Variants in RTN1 observed in about 807,000 individuals in gnomAD.
The protein encoded by RTN1 is reticulon-1.
RTN1 carries 25 observed loss-of-function variants against 65.5 expected under a neutral mutation model. That is an observed-to-expected ratio of 0.38 (90% confidence interval 0.28 to 0.53). RTN1 has a LOEUF of 0.53. RTN1 is among the 20% of genes least tolerant of loss of function. The pLI, the probability that RTN1 is intolerant of heterozygous loss-of-function variation, is 0.79. For missense variants in RTN1, 983 were observed against 1,025.4 expected, an observed-to-expected ratio of 0.96 and a Z score of 0.57; for synonymous variants, 471 against 447.6, an observed-to-expected ratio of 1.05 and a Z score of -0.66.
intron 1 of RTN1, among the ~76,000 whole-genome samples, chr14:59,834,749 C>G (rs11622755): frequency 0.25 from 37,664 of 151,898 alleles, 4,958 homozygotes; most frequent in East Asian, 0.55. Flanking sequence ...AAGTAGCAAA[C>G]AAAAAATTCA....
intron 2 of RTN1, among the ~76,000 whole-genome samples, chr14:59,740,223 C>T (rs1011593928): frequency 9.2e-5 from 14 of 152,180 alleles, no homozygotes; most frequent in East Asian, 3.9e-4. Flanking sequence ...ACCGGAGGTA[C>T]GCAATAAATA....
Position 59,746,252 on chromosome 14 carries a change from C to T in RTN1, c.471G>A (p.Glu157=), listed in dbSNP as rs757530788. Residue 157 remains glutamate (E), a synonymous_variant, in exon 2 of 9, where the codon GAG becomes GAA. Transcript: ENST00000267484. ...AATCAGAACTAAATAAGCCACGAGACTCTATCCCAGGCACATCTGGTAAGG... is the reference window on the plus strand; with the variant it reads ...AATCAGAACTAAATAAGCCACGAGATTCTATCCCAGGCACATCTGGTAAGG... ...GPSLPDVPGI[E]SRGLFSSDSG... 3 of 1,613,012 alleles carry T rather than the reference C, an allele frequency of 1.9e-6. No homozygotes were observed. Among genetic ancestry groups the T allele is most frequent in the African/African-American group, 2.7e-5 (2 of 74,872 alleles).
At chr14:59,615,017 T>C (rs1373564035) in intron 3 of RTN1, among the ~76,000 whole-genome samples, 1 of 152,156 alleles carries the variant, frequency 6.6e-6, no homozygotes, top group East Asian at 1.9e-4. Flanking sequence ...GTTTTAAAAA[T>C]TGTCTTAACC....
At chr14:59,628,812 T>G (rs1277429589) in intron 3 of RTN1, among the ~76,000 whole-genome samples, 3 of 152,218 alleles carry the variant, frequency 2.0e-5, no homozygotes, top group African/African-American at 7.2e-5. Flanking sequence ...CATAAGATTG[T>G]GATGAAATAG....
chr14:59,813,675 A>T (rs1886769474), intron 1 of RTN1, among the ~76,000 whole-genome samples: 1 of 152,248 alleles, frequency 6.6e-6, no homozygotes, highest in Non-Finnish European at 1.5e-5. Context: ...ACATTGAATC[A>T]CATTCACATT....
At chr14:59,786,663 C>T (rs1359239431) in intron 1 of RTN1, among the ~76,000 whole-genome samples, 1 of 152,044 alleles carries the variant, frequency 6.6e-6, no homozygotes, top group African/African-American at 2.4e-5. Context: ...AGGAAAAAGA[C>T]AAAGAGGCAA....
intron 3 of RTN1, among the ~76,000 whole-genome samples, chr14:59,658,234 A>G (rs1454155770): frequency 6.6e-6 from 1 of 152,212 alleles, no homozygotes; most frequent in Non-Finnish European, 1.5e-5. Flanking sequence ...CTCTGAAAGA[A>G]AGACAGCAGC....
intron 1 of RTN1, among the ~76,000 whole-genome samples, chr14:59,752,855 A>T (rs1199531880): frequency 6.6e-6 from 1 of 152,214 alleles, no homozygotes; most frequent in African/African-American, 2.4e-5. Context: ...TGCAAAAAAC[A>T]GTCTAAAATG....
chr14:59,799,035 AT>A (rs1301458052), intron 1 of RTN1, among the ~76,000 whole-genome samples: 1 of 152,238 alleles, frequency 6.6e-6, no homozygotes, highest in East Asian at 1.9e-4. Context: ...AAGTGTATTA[AT>A]TCATTTCTCT....
chr14:59,752,203 T>C (rs1034321521), intron 1 of RTN1, among the ~76,000 whole-genome samples: 4 of 152,190 alleles, frequency 2.6e-5, no homozygotes, highest in African/African-American at 9.7e-5. Context: ...ACAAAAAGAC[T>C]ATAAACTATG....
At chr14:59,620,021 A>G (rs1882212537) in intron 3 of RTN1, among the ~76,000 whole-genome samples, 1 of 152,080 alleles carries the variant, frequency 6.6e-6, no homozygotes, top group South Asian at 2.1e-4. Flanking sequence ...CTTTAGGTTG[A>G]GCAAAACCTA....
chr14:59,678,868 C>CAGAATGGGAAGCTG (rs1015114176), intron 3 of RTN1, among the ~76,000 whole-genome samples: 1 of 152,192 alleles, frequency 6.6e-6, no homozygotes, highest in African/African-American at 2.4e-5. Flanking sequence ...CTTACTTAGT[C>CAGAATGGGAAGCTG]AGAATGGGAA....
At chr14:59,743,749 G>A (rs1235243890) in intron 2 of RTN1, among the ~76,000 whole-genome samples, 1 of 152,012 alleles carries the variant, frequency 6.6e-6, no homozygotes, top group African/African-American at 2.4e-5. Context: ...TCCTCTGAGA[G>A]TCACCTGTGG....
chr14:59,801,607 T>C (rs1038035775), intron 1 of RTN1, among the ~76,000 whole-genome samples: 3 of 152,206 alleles, frequency 2.0e-5, no homozygotes, highest in Admixed American at 6.5e-5. Flanking sequence ...AGAAAAGTTA[T>C]AGACAGTTCT....
chr14:59,711,248 C>T (rs931563465), intron 3 of RTN1, among the ~76,000 whole-genome samples: 4 of 152,146 alleles, frequency 2.6e-5, no homozygotes, highest in Non-Finnish European at 4.4e-5. Flanking sequence ...AAAGAAAAGG[C>T]TGAACACAGG....
chr14:59,738,628 TGACCCAGCAATCCCATTA>T (rs1885049012), intron 2 of RTN1, among the ~76,000 whole-genome samples: 1 of 152,178 alleles, frequency 6.6e-6, no homozygotes, highest in African/African-American at 2.4e-5. Flanking sequence ...AAATACAATT[TGACCCAGCAATCCCATTA>T]CTGGGTATAT....
Position 59,803,065 on chromosome 14 carries a change from T to C in RTN1, c.242-56584A>G, listed in dbSNP as rs1312932044. ...ACTGATTTAAAAAAGTCATTTGCCA[T>C]TTGCACTGGGATAAGCACACAGGCC... is the stretch of plus-strand genomic sequence containing the variant. On this transcript the variant is annotated intron_variant, in intron 1 of 8. Transcript: ENST00000267484. The surrounding 1 kb of genome is among the most constrained non-coding windows in gnomAD (Gnocchi z 5.6). 6.6e-6 allele frequency among the ~76,000 whole-genome samples: 1 copy of C among 151,764 alleles called. No individual in the cohort carries two copies. Among genetic ancestry groups the C allele is most frequent in the Non-Finnish European group, 1.5e-5 (1 of 67,966 alleles).
At chr14:59,750,157 A>AATATATATTATATATATAATATATAAT (rs1885430844) in intron 1 of RTN1, among the ~76,000 whole-genome samples, 1 of 52,540 alleles carries the variant, frequency 1.9e-5, no homozygotes, top group Non-Finnish European at 3.0e-5. Context: ...TATTATAGAT[A>AATATATATTATATATATAATATATAAT]ATATATATTA....
At chr14:59,809,209 A>T (rs981714945) in intron 1 of RTN1, among the ~76,000 whole-genome samples, 1 of 152,132 alleles carries the variant, frequency 6.6e-6, no homozygotes, top group Non-Finnish European at 1.5e-5. Flanking sequence ...TAACAACTCT[A>T]GCTTTGAACC....
Sources: allele counts gnomAD v4.1 joint callset (sites outside exome capture counted in the v4.1 genomes callset), GRCh38; gene constraint gnomAD v4.1.1; non-coding constraint Gnocchi (gnomAD v3.1); transcripts MANE v1.5; gene names NCBI Gene and HGNC (gene_info 2026-07-23, HGNC 2026-07-21).